Variants in ZC3H6 observed in about 807,000 individuals in gnomAD.
The protein encoded by ZC3H6 is zinc finger CCCH-type containing 6.
ZC3H6 carries 40 observed loss-of-function variants against 107.7 expected under a neutral mutation model. The ratio of observed to expected loss-of-function variants is 0.37; its 90% CI spans 0.29 to 0.48. The LOEUF (loss-of-function observed/expected upper bound fraction) is 0.48. Ranked by LOEUF, ZC3H6 falls within the 20% of genes least tolerant of loss-of-function variation. The pLI is 0.98. For synonymous variants in ZC3H6, 493 were observed against 487.9 expected (o/e 1.01, Z -0.14); for missense variants, 1,267 against 1,410.4 (o/e 0.90, Z 1.63).
rs73954828 is a variant in ZC3H6, at chr2:112,316,647, T to C, written c.864+61T>C. On this transcript the variant is annotated intron_variant, in intron 6 of 11. Coordinates refer to ENST00000409871, the MANE Select transcript of ZC3H6 (RefSeq NM_198581.3). ...TCCAAAATAATCTTTAAAATTAAAG[T>C]CTTTTGGGGGATGGTTAATTTTTTT... 1,629 of 1,098,078 alleles carry C rather than the reference T, an allele frequency of 1.5e-3. 17 individuals carry two copies. In the African/African-American group the frequency reaches 0.024, roughly 16 times the overall value. The allele number at this position is 1,098,078 out of a possible 1,614,324, so 68.0% of individuals were successfully genotyped here. A position where few individuals can be genotyped will look rare whatever the true frequency, so the allele number is the denominator to read the frequency against.
intron 2 of ZC3H6, among the ~76,000 whole-genome samples, chr2:112,300,641 C>G (rs1054369799): frequency 6.6e-6 from 1 of 152,158 alleles, no homozygotes; most frequent in African/African-American, 2.4e-5. Flanking sequence ...CATTGTCCAT[C>G]TATTTATTAT....
Position 112,329,744 on chromosome 2 carries a change from A to G in ZC3H6, c.2087-1261A>G, listed in dbSNP as rs11688126. ...ATCCAAGATACTCCAGGATGGAGAT[A>G]CATATATGCATATACAGTATATCTA... On this transcript the variant is annotated intron_variant, in intron 11 of 11. Coordinates refer to ENST00000409871, the MANE Select transcript of ZC3H6 (RefSeq NM_198581.3). Among the ~76,000 whole-genome samples the G allele has an allele frequency of 3.0e-3, 464 of 152,350 alleles. 1 individual carries two copies. The highest frequency in any genetic ancestry group is 0.017 in the Middle Eastern group (5 of 294).
At position 112,289,710 on chromosome 2, in the gene ZC3H6, T is replaced by C. The variant is rs143571404; in HGVS notation, c.33-10139T>C. The stretch of plus-strand genomic sequence containing the variant: ...AGCTTTATATGATTTTCTGGCTTCA[T>C]ATGATTTAAATATTTTTACCGTTTT... On this transcript the variant is annotated intron_variant, in intron 1 of 11. Coordinates refer to ENST00000409871, the MANE Select transcript of ZC3H6 (RefSeq NM_198581.3). Among the ~76,000 whole-genome samples, 1,137 of 150,696 alleles carry C rather than the reference T, an allele frequency of 7.5e-3. 2 individuals carry two copies. Among genetic ancestry groups the C allele is most frequent in the Non-Finnish European group, 0.011 (726 of 67,776 alleles).
At chr2:112,327,802 T>C (rs563524967) in intron 11 of ZC3H6, among the ~76,000 whole-genome samples, 15 of 152,342 alleles carry the variant, frequency 9.8e-5, no homozygotes, top group Middle Eastern at 3.4e-3. Flanking sequence ...AGCACCTTTG[T>C]CAAAATGGGT....
chr2:112,316,278 T>TC (rs1676693276), intron 5 of ZC3H6, among the ~76,000 whole-genome samples, 192 bp from the exon 6 acceptor site: 1 of 151,914 alleles, frequency 6.6e-6, no homozygotes, highest in African/African-American at 2.4e-5. Flanking sequence ...AGGCTTTTTT[T>TC]TGCGATCACT....
chr2:112,305,725 A>C (rs138782772), intron 3 of ZC3H6, among the ~76,000 whole-genome samples: 2 of 152,142 alleles, frequency 1.3e-5, no homozygotes, highest in African/African-American at 4.8e-5. Flanking sequence ...TTTGCTATCA[A>C]ATTCTCTCAG....
At chr2:112,319,514 C>T (rs776403727) in intron 7 of ZC3H6, among the ~76,000 whole-genome samples, 6 of 152,026 alleles carry the variant, frequency 3.9e-5, no homozygotes, top group Non-Finnish European at 7.4e-5. Context: ...GGCATGGTAG[C>T]GTGCACCTGT....
chr2:112,313,059 A>G (rs993881177), intron 5 of ZC3H6, among the ~76,000 whole-genome samples: 1 of 152,158 alleles, frequency 6.6e-6, no homozygotes, highest in Non-Finnish European at 1.5e-5. Flanking sequence ...AGACCCAAAT[A>G]AATTTGCGAA....
At chr2:112,323,473 T>G (rs1425589703) in intron 9 of ZC3H6, among the ~76,000 whole-genome samples, 1 of 152,236 alleles carries the variant, frequency 6.6e-6, no homozygotes, top group Non-Finnish European at 1.5e-5. Context: ...ACAATTCATT[T>G]GAACCATTAA....
At chr2:112,316,612 C>A in intron 6 of ZC3H6, 26 bp downstream of exon 6, 1 of 1,374,654 alleles carries the variant, frequency 7.3e-7, no homozygotes, top group Non-Finnish European at 1.0e-6. Flanking sequence ...TATCATAAGT[C>A]ATTTTAACTT....
intron 8 of ZC3H6, among the ~76,000 whole-genome samples, 170 bp from the exon 9 acceptor site, chr2:112,322,479 G>A (rs1165163605): frequency 6.6e-6 from 1 of 152,052 alleles, no homozygotes; most frequent in African/African-American, 2.4e-5. Flanking sequence ...GGGCTCAAGC[G>A]ATCCAGCTGC....
At position 112,336,486 on chromosome 2, in the gene ZC3H6, T is replaced by C. The variant is rs567132260; in HGVS notation, c.*3998T>C. 92 of 152,304 alleles carry C rather than the reference T, an allele frequency of 6.0e-4. No homozygotes were observed. Among genetic ancestry groups the C allele is most frequent in the Admixed American group, 1.2e-3 (19 of 15,292 alleles). 9.4% of individuals were successfully genotyped at this position (152,304 alleles called of 1,614,324 possible). A position where few individuals can be genotyped will look rare whatever the true frequency, so the allele number is the denominator to read the frequency against. ...AAGCATTTGTAAACTATAATTATAGTTTAAATAAGACTTAGTTTAGGAAAT... is the reference window on the plus strand; with the variant it reads ...AAGCATTTGTAAACTATAATTATAGCTTAAATAAGACTTAGTTTAGGAAAT... On this transcript the variant is annotated 3_prime_UTR_variant, in exon 12 of 12. Coordinates refer to ENST00000409871, the MANE Select transcript of ZC3H6 (RefSeq NM_198581.3).
intron 9 of ZC3H6, among the ~76,000 whole-genome samples, 198 bp from the exon 10 acceptor site, chr2:112,323,954 G>A (rs1676852300): frequency 6.6e-6 from 1 of 152,148 alleles, no homozygotes; most frequent in African/African-American, 2.4e-5. Flanking sequence ...ACGGTAAGCA[G>A]CAAGTGGGCT....
chr2:112,285,358 A>C (rs141106606), intron 1 of ZC3H6, among the ~76,000 whole-genome samples: 1 of 151,972 alleles, frequency 6.6e-6, no homozygotes, highest in African/African-American at 2.4e-5. Context: ...ATACTGAGTA[A>C]ATTTTTTTTT....
chr2:112,325,989 A>G (rs1479483788), intron 11 of ZC3H6, among the ~76,000 whole-genome samples: 2 of 152,082 alleles, frequency 1.3e-5, no homozygotes, highest in African/African-American at 2.4e-5. Flanking sequence ...GACATTTATG[A>G]AAAACTATGT....
chr2:112,307,203 G>C (rs1271178025), intron 3 of ZC3H6, among the ~76,000 whole-genome samples: 2 of 152,070 alleles, frequency 1.3e-5, no homozygotes, highest in Non-Finnish European at 2.9e-5. Context: ...CCTTTTCTTA[G>C]ATAACAAGTA....
chr2:112,317,386 A>C, intron 7 of ZC3H6, 54 bp downstream of exon 7: 1 of 1,033,348 alleles, frequency 9.7e-7, no homozygotes, highest in Non-Finnish European at 1.4e-6. Flanking sequence ...TTAAAGCATC[A>C]TTGAGGTTTT....
At chr2:112,298,609 G>C (rs904201929) in intron 1 of ZC3H6, among the ~76,000 whole-genome samples, 1 of 152,184 alleles carries the variant, frequency 6.6e-6, no homozygotes, top group African/African-American at 2.4e-5. Context: ...ATTACTTCAT[G>C]CTTAAAAATG....
intron 5 of ZC3H6, among the ~76,000 whole-genome samples, chr2:112,312,614 G>A (rs765286265): frequency 6.6e-6 from 1 of 152,142 alleles, no homozygotes; most frequent in African/African-American, 2.4e-5. Flanking sequence ...CGTAATCCCA[G>A]CACTTTGGGA....
Sources: allele counts gnomAD v4.1 joint callset (sites outside exome capture counted in the v4.1 genomes callset), GRCh38; gene constraint gnomAD v4.1.1; transcripts MANE v1.5; gene names NCBI Gene and HGNC (gene_info 2026-07-23, HGNC 2026-07-21).